AIRE: variants seen among roughly 807,000 people sequenced by gnomAD.
AIRE encodes autoimmune polyendocrinopathy candidiasis ectodermal dystrophy protein.
AIRE carries 52 observed loss-of-function variants against 62.1 expected under a neutral mutation model. The observed-to-expected ratio is 0.84, with a 90% CI of 0.67 to 1.06. The LOEUF (loss-of-function observed/expected upper bound fraction) is 1.06. AIRE is among the 50% of genes least tolerant of loss of function. AIRE has a pLI of 0.00. For missense variants in AIRE, 774 were observed against 755.8 expected, an observed-to-expected ratio of 1.02 and a Z score of -0.28; for synonymous variants, 342 against 321.6, an observed-to-expected ratio of 1.06 and a Z score of -0.68.
At chr21:44,288,534 G>A in intron 5 of AIRE, 76 bp downstream of exon 5, 1 of 1,082,076 alleles carries the variant, frequency 9.2e-7, no homozygotes, top group Non-Finnish European at 1.4e-6. Flanking sequence ...ACGCCCCTTT[G>A]CATCCTGGTG....
At position 44,287,563 on chromosome 21, in the gene AIRE, A is replaced by G. The variant is rs146992760; in HGVS notation, c.510A>G (p.Ala170=). 2.0e-4 allele frequency: 315 copies of G among 1,559,162 alleles called. No homozygotes were observed. The African/African-American group carries it at 4.0e-3, about 20-fold the overall frequency. Residue 170 remains alanine, a synonymous_variant, in exon 4 of 14, where the codon GCA becomes GCG. Transcript: ENST00000291582. The surrounding 1 kb of genome is among the most constrained non-coding windows in gnomAD (Gnocchi z 4.3). ...AKPPKKPESS[A]EQQRLPLGNG... ...CCCCCAAGAAGCCGGAGAGCAGCGCAGAGCAGCAGCGCCTTCCACTCGGGA... is the reference window on the plus strand; with the variant it reads ...CCCCCAAGAAGCCGGAGAGCAGCGCGGAGCAGCAGCGCCTTCCACTCGGGA...
In AIRE at chr21:44,297,291, A is replaced by T. The variant is rs1364903229; in HGVS notation, c.1567-365A>T. On this transcript the variant is annotated intron_variant, in intron 13 of 13. Transcript: ENST00000291582. The surrounding 1 kb of genome is among the most constrained non-coding windows in gnomAD (Gnocchi z 4.8). Reference sequence around the variant, plus strand: ...TGGGAGCATCAGGCTCCTGAGCAGAATAAGTAGCTGGCCCCGACCCCCCCA... The same window carrying T: ...TGGGAGCATCAGGCTCCTGAGCAGATTAAGTAGCTGGCCCCGACCCCCCCA... Among the ~76,000 whole-genome samples, 2 of 151,952 alleles carry T rather than the reference A, an allele frequency of 1.3e-5. No homozygotes were observed. Among genetic ancestry groups the T allele is most frequent in the African/African-American group, 4.8e-5 (2 of 41,428 alleles).
At chr21:44,293,419 G>A (rs1464053608) in intron 10 of AIRE, among the ~76,000 whole-genome samples, 1 of 152,040 alleles carries the variant, frequency 6.6e-6, no homozygotes, top group Non-Finnish European at 1.5e-5. Context: ...TGAAGGGGGG[G>A]ATGTCCCAGC....
chr21:44,295,037 G>A (rs2040591650), intron 12 of AIRE, among the ~76,000 whole-genome samples: 2 of 152,176 alleles, frequency 1.3e-5, no homozygotes, highest in East Asian at 1.9e-4. Flanking sequence ...CTGCTGGGGC[G>A]GCTGGGCTTG....
At chr21:44,290,669 G>A (rs2040527328) in intron 7 of AIRE, 3 of 1,218,674 alleles carry the variant, frequency 2.5e-6, no homozygotes, top group African/African-American at 1.6e-5. Flanking sequence ...TGGTACCTGG[G>A]AGACCCCTGA....
Position 44,289,642 on chromosome 21 carries a change from G to A in AIRE, c.653-15G>A, listed in dbSNP as rs371094356. 18 of 1,612,514 alleles carry A rather than the reference G, an allele frequency of 1.1e-5. No individual in the cohort carries two copies. The highest frequency in any genetic ancestry group is 8.9e-5 in the East Asian group (4 of 44,894). On this transcript the variant is annotated splice_polypyrimidine_tract_variant and intron_variant, in intron 5 of 13. Transcript: ENST00000291582. ...CTGGGCGGGTGAGCCAGGACCAGCC[G>A]GCATCTCCTCCCAGGCGGCTCCAAG...
At chr21:44,294,845 C>A (rs1396283721) in intron 12 of AIRE, among the ~76,000 whole-genome samples, 1 of 152,076 alleles carries the variant, frequency 6.6e-6, no homozygotes, top group East Asian at 1.9e-4. Context: ...CAGGAGCAAA[C>A]CCCCACCCTG....
rs1443948250 is a variant in AIRE at position 44,288,598 on chromosome 21, T to C, written c.652+140T>C. 3 of 657,506 alleles carry C rather than the reference T, an allele frequency of 4.6e-6. No individual in the cohort carries two copies. The African/African-American group carries it at 5.4e-5, about 12-fold the overall frequency. The allele number at this position is 657,506 out of a possible 1,614,324, so 40.7% of individuals were successfully genotyped here. On this transcript the variant is annotated intron_variant, in intron 5 of 13. Coordinates refer to ENST00000291582, the MANE Select transcript of AIRE (RefSeq NM_000383.4). ...GGTAGCCAGAGTTTCTGCCTGTGGT[T>C]CTGCTGACTTTGGAGGAGGAGGGTG...
Position 44,293,083 on chromosome 21 carries a change from C to A in AIRE, c.1186C>A (p.His396Asn), listed in dbSNP as rs752157686. The change falls in exon 10 of 14, where the codon CAC becomes AAC. Residue 396 changes from histidine (H) to asparagine (N), a missense_variant. Physicochemically the swap from His to Asn is moderately conservative, Grantham distance 68 (BLOSUM62 1). Transcript: ENST00000291582. ...AGMDTTLVYK[H>N]LPAPPSAAPL... is the part of the protein sequence containing the mutation. ...CATGGACACGACTCTTGTCTACAAG[C>A]ACCTGCCGGCTCCGCCTTCTGCAGC... 4 of 1,611,450 alleles carry A rather than the reference C, an allele frequency of 2.5e-6. No individual in the cohort carries two copies. The highest frequency in any genetic ancestry group is 3.4e-6 in the Non-Finnish European group (4 of 1,179,512).
At position 44,292,405 on chromosome 21, in the gene AIRE, T is replaced by G. The variant is rs2040551419; in HGVS notation, c.1095+4T>G. ...GGAGCCACCCGTGGAGACCCCGGTA[T>G]GGCCACGCCCCCTCCTAGCCGGGCC... On this transcript the variant is annotated splice_donor_region_variant and intron_variant, in intron 9 of 13. Transcript: ENST00000291582. 6.5e-7 allele frequency: 1 copy of G among 1,547,074 alleles called. No homozygotes were observed.
At position 44,286,426 on chromosome 21, in the gene AIRE, G is replaced by A. The variant is rs984669521; in HGVS notation, c.133-131G>A. The A allele has an allele frequency of 5.4e-5, 57 of 1,046,080 alleles. No homozygotes were observed. The Admixed American group carries it at 7.1e-4, about 13-fold the overall frequency. 64.8% of individuals were successfully genotyped at this position (1,046,080 alleles called of 1,614,324 possible). ...CCACCTGACTCCACCACAAGCCGAG[G>A]AGATGGGCGTGGAGCTGTCCAGGTC... On this transcript the variant is annotated intron_variant, in intron 1 of 13. Coordinates refer to ENST00000291582, the MANE Select transcript of AIRE (RefSeq NM_000383.4). The surrounding 1 kb of genome is among the most constrained non-coding windows in gnomAD (Gnocchi z 6.0).
Position 44,288,460 on chromosome 21 carries a change from T to C in AIRE, c.652+2T>C, listed in dbSNP as rs1555872272. ...TCATCCAGCAGGTGTTTGAGTCAGGTAGACGCTGTGGCGGGGAGATGGGGC... is the reference window on the plus strand; with the variant it reads ...TCATCCAGCAGGTGTTTGAGTCAGGCAGACGCTGTGGCGGGGAGATGGGGC... On this transcript the variant is annotated splice_donor_variant, in intron 5 of 13. Coordinates refer to ENST00000291582, the MANE Select transcript of AIRE (RefSeq NM_000383.4). LOFTEE classifies it high-confidence loss of function. 6.3e-7 allele frequency: 1 copy of C among 1,591,430 alleles called. No homozygotes were observed. The highest frequency in any genetic ancestry group is 1.1e-5 in the South Asian group (1 of 90,648).
rs957074983 is a variant in AIRE at position 44,286,390 on chromosome 21, C to A, written c.133-167C>A. Among the ~76,000 whole-genome samples the A allele has an allele frequency of 2.6e-5, 4 of 151,930 alleles. No homozygotes were observed. Among genetic ancestry groups the A allele is most frequent in the African/African-American group, 9.7e-5 (4 of 41,362 alleles). On this transcript the variant is annotated intron_variant, in intron 1 of 13. Coordinates refer to ENST00000291582, the MANE Select transcript of AIRE (RefSeq NM_000383.4). The surrounding 1 kb of genome is among the most constrained non-coding windows in gnomAD (Gnocchi z 6.0). The stretch of plus-strand genomic sequence containing the variant: ...GGTTCCCCCAGCCCCACCCTCAACA[C>A]CCCTACACCACCACCTGACTCCACC...
At chr21:44,295,351 T>C (rs960202346) in intron 12 of AIRE, among the ~76,000 whole-genome samples, 5 of 152,202 alleles carry the variant, frequency 3.3e-5, no homozygotes, top group African/African-American at 1.2e-4. Context: ...TTCCCCGGCA[T>C]GCAGGCTCTG....
Position 44,291,211 on chromosome 21 carries a change from G to A in AIRE, c.995+1G>A. The A allele has an allele frequency of 6.2e-7, 1 of 1,600,164 alleles. No individual in the cohort carries two copies. Among genetic ancestry groups the A allele is most frequent in the Non-Finnish European group, 8.5e-7 (1 of 1,179,638 alleles). ...CCCCTCCGCTCCGGGAGATCCCCAG[G>A]TGAGCCTGCACCTCTGCCAGCGCAA... On this transcript the variant is annotated splice_donor_variant, in intron 8 of 13. Coordinates refer to ENST00000291582, the MANE Select transcript of AIRE (RefSeq NM_000383.4). LOFTEE classifies it high-confidence loss of function.
rs769525035 is a variant in AIRE, at chr21:44,288,376, A to C, written c.570A>C (p.Arg190Ser). ...AGACCATGTCAGCTTCAGTCCAGAG[A>C]GCTGTGGCCATGTCCTCCGGGGACG... ...GIQTMSASVQ[R>S]AVAMSSGDVP... The change falls in exon 5 of 14, where the codon AGA (arginine) becomes AGC (serine). Residue 190 changes from arginine (R) to serine (S), a missense_variant. Transcript: ENST00000291582. The C allele has an allele frequency of 6.2e-7, 1 of 1,612,166 alleles. No individual in the cohort carries two copies. The highest frequency in any genetic ancestry group is 1.1e-5 in the South Asian group (1 of 91,070).
In AIRE at chr21:44,293,670, C is replaced by G. The variant is rs545792165; in HGVS notation, c.1279-119C>G. 47 of 1,486,150 alleles carry G rather than the reference C, an allele frequency of 3.2e-5. No individual in the cohort carries two copies. In the East Asian group the frequency reaches 1.0e-3, roughly 32 times the overall value. The allele number at this position is 1,486,150 out of a possible 1,614,324, so 92.1% of individuals were successfully genotyped here. A position where few individuals can be genotyped will look rare whatever the true frequency, so the allele number is the denominator to read the frequency against. ...GTGGCACCGTGAGGCTCCTCACTTG[C>G]GCCTAGACCCGCCGTCCAGCCCTGG... On this transcript the variant is annotated intron_variant, in intron 10 of 13. Coordinates refer to ENST00000291582, the MANE Select transcript of AIRE (RefSeq NM_000383.4).
Position 44,287,376 on chromosome 21 carries a change from C to G in AIRE, c.464-141C>G. On this transcript the variant is annotated intron_variant, in intron 3 of 13. Transcript: ENST00000291582. This position sits in a 1 kb window ranked among gnomAD's most constrained non-coding sequence, Gnocchi z 4.3. ...GCGGGCGGGTCTCATTTCCCTTTTA[C>G]TGATGAGAAACCAGAGCCCGGCAAA... The G allele has an allele frequency of 2.8e-6, 2 of 724,836 alleles. No homozygotes were observed. Among genetic ancestry groups the G allele is most frequent in the South Asian group, 3.5e-5 (2 of 56,704 alleles). 44.9% of individuals were successfully genotyped at this position (724,836 alleles called of 1,614,324 possible).
At chr21:44,290,916 G>A in intron 7 of AIRE, 179 bp from the exon 8 acceptor site, 20 of 1,611,288 alleles carry the variant, frequency 1.2e-5, no homozygotes, top group Non-Finnish European at 1.7e-5. Context: ...AGACCAGATG[G>A]ATGGGGAACA....
Sources: gnomAD v4.1 joint callset for allele counts (sites outside exome capture counted in the v4.1 genomes callset) on GRCh38, gnomAD v4.1.1 for gene constraint, Gnocchi (gnomAD v3.1) non-coding constraint, MANE v1.5 for transcripts, NCBI Gene and HGNC (gene_info 2026-07-23, HGNC 2026-07-21) for gene names.